The following LSAMP variants were observed in gnomAD, a reference collection of about 807,000 sequenced individuals.
LSAMP encodes limbic system associated membrane protein.
Under a neutral mutation model 38.6 loss-of-function variants are expected in LSAMP, and 7 were observed. The ratio of observed to expected loss-of-function variants is 0.18; its 90% CI spans 0.10 to 0.34. The LOEUF is 0.34. Ranked by LOEUF, LSAMP falls within the 10% of genes least tolerant of loss-of-function variation. The pLI, the probability that LSAMP is intolerant of heterozygous loss-of-function variation, is 1.00. For missense variants in LSAMP, 313 were observed against 420.0 expected (o/e 0.75, Z 2.23); for synonymous variants, 154 against 166.8 (o/e 0.92, Z 0.59).
chr3:116,356,133 T>C (rs190071771), intron 1 of LSAMP, among the ~76,000 whole-genome samples: 5 of 152,334 alleles, frequency 3.3e-5, no homozygotes, highest in Admixed American at 6.5e-5. Context: ...TGCATTTCAA[T>C]GTTTATTACA....
intron 3 of LSAMP, among the ~76,000 whole-genome samples, chr3:115,963,339 C>T (rs576681847): frequency 6.6e-5 from 10 of 152,316 alleles, no homozygotes; most frequent in South Asian, 2.1e-4. Flanking sequence ...TGAGAATTGC[C>T]TTCACATGCT....
chr3:116,392,194 G>C (rs1042534258), intron 1 of LSAMP, among the ~76,000 whole-genome samples: 1 of 152,196 alleles, frequency 6.6e-6, no homozygotes, highest in Non-Finnish European at 1.5e-5. Context: ...ACAAGCGGGA[G>C]CCCTGCCCAT....
chr3:116,326,532 A>C (rs952872482), intron 1 of LSAMP, among the ~76,000 whole-genome samples: 1 of 152,094 alleles, frequency 6.6e-6, no homozygotes, highest in African/African-American at 2.4e-5. Context: ...AGGGATAGGG[A>C]GGCACACCAG....
intron 1 of LSAMP, among the ~76,000 whole-genome samples, chr3:116,371,732 G>A (rs1213379232): frequency 2.6e-5 from 4 of 152,062 alleles, no homozygotes; most frequent in Admixed American, 1.3e-4. Flanking sequence ...AATTGAAATG[G>A]AAAAAGTACA....
intron 1 of LSAMP, among the ~76,000 whole-genome samples, chr3:116,146,993 G>A (rs1217923687): frequency 6.6e-6 from 1 of 151,800 alleles, no homozygotes; most frequent in South Asian, 2.1e-4. Context: ...CAAACTGGGG[G>A]TCCCAGGATT....
At chr3:115,981,764 A>G (rs1336552687) in intron 3 of LSAMP, among the ~76,000 whole-genome samples, 1 of 152,198 alleles carries the variant, frequency 6.6e-6, no homozygotes, top group Non-Finnish European at 1.5e-5. Context: ...ACAACAAAAA[A>G]CAACCAAATC....
chr3:115,906,940 T>C (rs1356055539), intron 3 of LSAMP, among the ~76,000 whole-genome samples: 1 of 152,182 alleles, frequency 6.6e-6, no homozygotes, highest in South Asian at 2.1e-4. Flanking sequence ...AGGTTCTACA[T>C]AGATTAAATC....
intron 1 of LSAMP, among the ~76,000 whole-genome samples, chr3:116,158,099 A>G (rs1709798339): frequency 6.6e-6 from 1 of 152,206 alleles, no homozygotes; most frequent in Admixed American, 6.5e-5. Flanking sequence ...AACGAAAACA[A>G]CAAAAAAGAG....
intron 1 of LSAMP, among the ~76,000 whole-genome samples, chr3:116,123,271 C>T (rs996452200): frequency 6.6e-6 from 1 of 152,118 alleles, no homozygotes; most frequent in Non-Finnish European, 1.5e-5. Context: ...GGGAAAGTGG[C>T]CAAAGGCCAC....
At chr3:115,996,546 G>A (rs1315619210) in intron 3 of LSAMP, among the ~76,000 whole-genome samples, 1 of 151,942 alleles carries the variant, frequency 6.6e-6, no homozygotes, top group Admixed American at 6.6e-5. Context: ...AACAAATGAT[G>A]TAAATTCAAA....
At chr3:116,198,964 A>G (rs570111707) in intron 1 of LSAMP, among the ~76,000 whole-genome samples, 3 of 151,848 alleles carry the variant, frequency 2.0e-5, no homozygotes, top group Non-Finnish European at 4.4e-5. Flanking sequence ...CATGCCTGTC[A>G]TTCTACCTAC....
chr3:116,226,483 T>C (rs1298224139), intron 1 of LSAMP, among the ~76,000 whole-genome samples: 1 of 152,218 alleles, frequency 6.6e-6, no homozygotes, highest in Admixed American at 6.5e-5. Context: ...GAAGCTGTTC[T>C]CTGTCAGCGA....
chr3:116,263,167 T>A (rs2046848241), intron 1 of LSAMP, among the ~76,000 whole-genome samples: 1 of 152,160 alleles, frequency 6.6e-6, no homozygotes, highest in Non-Finnish European at 1.5e-5. Flanking sequence ...ACAAAGAATG[T>A]AATCAGGACA....
intron 1 of LSAMP, among the ~76,000 whole-genome samples, chr3:116,259,844 G>A (rs889684929): frequency 6.6e-6 from 1 of 152,212 alleles, no homozygotes; most frequent in East Asian, 1.9e-4. Flanking sequence ...CTCCTTCTTA[G>A]CTCTCTGCCT....
chr3:116,343,620 T>C, intron 1 of LSAMP, among the ~76,000 whole-genome samples: 1 of 152,130 alleles, frequency 6.6e-6, no homozygotes, highest in Non-Finnish European at 1.5e-5. Context: ...TTATGATAGA[T>C]TCAGGTCATT....
chr3:115,814,149 A>G (rs888056650), intron 6 of LSAMP: 4 of 152,208 alleles, frequency 2.6e-5, no homozygotes, highest in African/African-American at 9.6e-5. Flanking sequence ...GAAAGAGATG[A>G]AATACCAACC....
chr3:115,824,679 C>T (rs1444055060), intron 6 of LSAMP, among the ~76,000 whole-genome samples: 1 of 149,982 alleles, frequency 6.7e-6, no homozygotes, highest in Non-Finnish European at 1.5e-5. Flanking sequence ...CATTGCACTC[C>T]AGCCTGGGTG....
chr3:116,242,665 C>G (rs190590168), intron 1 of LSAMP, among the ~76,000 whole-genome samples: 1 of 151,846 alleles, frequency 6.6e-6, no homozygotes, highest in Admixed American at 6.6e-5. Flanking sequence ...CGTTCCAAGG[C>G]TTTGGTTCCA....
chr3:115,914,699 G>A (rs900624840), intron 3 of LSAMP, among the ~76,000 whole-genome samples: 1 of 152,106 alleles, frequency 6.6e-6, no homozygotes, highest in African/African-American at 2.4e-5. Context: ...GAAGAGATAA[G>A]CATCTCTCTC....
Sources: gnomAD v4.1 joint callset for allele counts (sites outside exome capture counted in the v4.1 genomes callset) on GRCh38, gnomAD v4.1.1 for gene constraint, MANE v1.5 for transcripts, NCBI Gene and HGNC (gene_info 2026-07-23, HGNC 2026-07-21) for gene names.